The following ATP8B1 variants were observed in gnomAD, a reference collection of about 807,000 sequenced individuals.
ATP8B1 encodes ATPase phospholipid transporting 8B1, also known as phospholipid-transporting ATPase IC.
In ATP8B1, 80 loss-of-function variants were observed where a neutral mutation model predicts 149.9. That is an observed-to-expected ratio of 0.53 (90% CI 0.45 to 0.64). The LOEUF is 0.64. Ranked by LOEUF, ATP8B1 falls within the 30% of genes least tolerant of loss-of-function variation. ATP8B1 has a pLI of 0.00. For missense variants in ATP8B1, 1,247 were observed against 1,552.6 expected, an observed-to-expected ratio of 0.80 and a Z score of 3.31; for synonymous variants, 536 against 562.8, an observed-to-expected ratio of 0.95 and a Z score of 0.67.
intron 16 of ATP8B1, among the ~76,000 whole-genome samples, chr18:57,673,133 C>T (rs1362865538): frequency 6.6e-6 from 1 of 150,842 alleles, no homozygotes; most frequent in Non-Finnish European, 1.5e-5. Context: ...AATGTGTAAC[C>T]TAGCTCTAAT....
rs1911224787 is a variant in ATP8B1 at position 57,671,648 on chromosome 18, G to A, written c.1820-68C>T. On this transcript the variant is annotated intron_variant, in intron 16 of 27. Coordinates refer to ENST00000648908, the MANE Select transcript of ATP8B1 (RefSeq NM_001374385.1). ...TTTATATATATATTTTTTGAGACAG[G>A]GTCTTGCTCTGTTGTCCAGGCTGGA... The A allele has an allele frequency of 5.3e-6, 6 of 1,136,670 alleles. No homozygotes were observed. In the South Asian group the frequency reaches 6.3e-5, roughly 12 times the overall value. 70.4% of individuals were successfully genotyped at this position (1,136,670 alleles called of 1,614,324 possible). A position where few individuals can be genotyped will look rare whatever the true frequency, so the allele number is the denominator to read the frequency against.
At chr18:57,672,886 GTA>G (rs1198919117) in intron 16 of ATP8B1, among the ~76,000 whole-genome samples, 175 of 14,052 alleles carry the variant, frequency 0.012, 1 homozygote, top group African/African-American at 0.034. Flanking sequence ...AAAAAAAAAA[GTA>G]TATATATATA....
At chr18:57,668,780 T>C in intron 18 of ATP8B1, 1 of 472,758 alleles carries the variant, frequency 2.1e-6, no homozygotes, top group Admixed American at 3.9e-5. Flanking sequence ...AAGACAAAAA[T>C]GCAAGTACAA....
At position 57,714,621 on chromosome 18, in the gene ATP8B1, AAG is replaced by A. The variant is rs142991333; in HGVS notation, c.182-8036_182-8035del. On this transcript the variant is annotated intron_variant, in intron 2 of 27. Coordinates refer to ENST00000648908, the MANE Select transcript of ATP8B1 (RefSeq NM_001374385.1). The stretch of plus-strand genomic sequence containing the variant: ...AAGGGGGAGAGAGAAAGAGCAAAAA[AAG>A]AGAGAGAGAGAGATTGATTCTGTTT... Among the ~76,000 whole-genome samples the A allele has an allele frequency of 9.1e-5, 12 of 132,566 alleles. No individual in the cohort carries two copies. In the South Asian group the frequency reaches 9.5e-4, roughly 10 times the overall value. 87.0% of individuals were successfully genotyped at this position (132,566 alleles called of 152,430 possible).
Position 57,646,613 on chromosome 18 carries a change from A to G in ATP8B1, c.*1875T>C, listed in dbSNP as rs1379942696. ...CATTTGCATTGTCAATCTTTCCCAC[A>G]ATTTGCAAAAACAGGAGAGAAATCT... is the stretch of plus-strand genomic sequence containing the variant. On this transcript the variant is annotated 3_prime_UTR_variant, in exon 28 of 28. Coordinates refer to ENST00000648908, the MANE Select transcript of ATP8B1 (RefSeq NM_001374385.1). 1 of 152,636 alleles carries G rather than the reference A, an allele frequency of 6.6e-6. No homozygotes were observed. The highest frequency in any genetic ancestry group is 1.5e-5 in the Non-Finnish European group (1 of 68,036). 9.5% of individuals were successfully genotyped at this position (152,636 alleles called of 1,614,324 possible).
chr18:57,794,246 A>T (rs1487985955), intron 1 of ATP8B1, among the ~76,000 whole-genome samples: 1 of 152,194 alleles, frequency 6.6e-6, no homozygotes, highest in Non-Finnish European at 1.5e-5. Context: ...GTATAAACTC[A>T]TATGAGAGTC....
At chr18:57,717,803 T>C (rs1256980623) in intron 2 of ATP8B1, among the ~76,000 whole-genome samples, 1 of 151,136 alleles carries the variant, frequency 6.6e-6, no homozygotes, top group Admixed American at 6.6e-5. Context: ...TGGTGCGATC[T>C]TGGCTCACTG....
Position 57,732,233 on chromosome 18 carries a change from GTGTATATATATGTATATA to G in ATP8B1, c.-25-419_-25-402del, listed in dbSNP as rs1568044202. On this transcript the variant is annotated intron_variant, in intron 1 of 27. Transcript: ENST00000648908. ...TATATATGTGTATATATGTATATAT[GTGTATATATATGTATATA>G]TGTATATATGTGTATATATGTATAT... Among the ~76,000 whole-genome samples, 47 of 11,358 alleles carry G rather than the reference GTGTATATATATGTATATA, an allele frequency of 4.1e-3. 1 individual carries two copies. Among genetic ancestry groups the G allele is most frequent in the Middle Eastern group, 0.17 (1 of 6 alleles). The allele number at this position is 11,358 out of a possible 152,430, so 7.5% of individuals were successfully genotyped here. A position where few individuals can be genotyped will look rare whatever the true frequency, so the allele number is the denominator to read the frequency against.
rs372271653 is a variant in ATP8B1, at chr18:57,784,654, ATGCAGGAGAGTATTATGAAACG to A, written c.-26+18322_-26+18343del. The stretch of plus-strand genomic sequence containing the variant: ...TGCTCGAGGTGCTGTGTTTAGGGGC[ATGCAGGAGAGTATTATGAAACG>A]TGCAGGAGAGTATTATGAAACGTGC... On this transcript the variant is annotated intron_variant, in intron 1 of 27. Coordinates refer to ENST00000648908, the MANE Select transcript of ATP8B1 (RefSeq NM_001374385.1). This position sits in a 1 kb window ranked among gnomAD's most constrained non-coding sequence, Gnocchi z 4.4. 0.018 allele frequency among the ~76,000 whole-genome samples: 2,690 copies of A among 152,182 alleles called. 84 individuals carry two copies. The highest frequency in any genetic ancestry group is 0.062 in the African/African-American group (2,584 of 41,462).
At chr18:57,714,060 A>G (rs1457786137) in intron 2 of ATP8B1, among the ~76,000 whole-genome samples, 3 of 152,124 alleles carry the variant, frequency 2.0e-5, no homozygotes, top group Admixed American at 6.6e-5. Context: ...AGGGGAGCTC[A>G]CTGCCCTGAA....
chr18:57,767,770 C>T (rs950796359), intron 1 of ATP8B1, among the ~76,000 whole-genome samples: 6 of 146,830 alleles, frequency 4.1e-5, no homozygotes, highest in African/African-American at 7.7e-5. Context: ...GCTTGGGCAA[C>T]GAGAGCAAAA....
At chr18:57,723,055 A>C (rs1307710432) in intron 2 of ATP8B1, among the ~76,000 whole-genome samples, 1 of 151,506 alleles carries the variant, frequency 6.6e-6, no homozygotes, top group East Asian at 1.9e-4. Flanking sequence ...ACAACCCTTC[A>C]TGCTAAAAAC....
At chr18:57,737,503 C>T (rs910914349) in intron 1 of ATP8B1, among the ~76,000 whole-genome samples, 1 of 151,868 alleles carries the variant, frequency 6.6e-6, no homozygotes, top group Non-Finnish European at 1.5e-5. Flanking sequence ...ACCCTGCTCC[C>T]CAGCCTCCCT....
Position 57,784,689 on chromosome 18 carries a change from T to C in ATP8B1, c.-26+18309A>G, listed in dbSNP as rs1325298014. Among the ~76,000 whole-genome samples the C allele has an allele frequency of 6.7e-6, 1 of 150,040 alleles. No homozygotes were observed. The highest frequency in any genetic ancestry group is 1.5e-5 in the Non-Finnish European group (1 of 68,018). The stretch of plus-strand genomic sequence containing the variant: ...GTATTATGAAACGTGCAGGAGAGTA[T>C]TATGAAACGTGCCTATGACTAAGTC... On this transcript the variant is annotated intron_variant, in intron 1 of 27. Transcript: ENST00000648908. The surrounding 1 kb of genome is among the most constrained non-coding windows in gnomAD (Gnocchi z 4.4).
intron 1 of ATP8B1, among the ~76,000 whole-genome samples, chr18:57,796,672 A>G (rs1024944607): frequency 1.3e-5 from 2 of 151,830 alleles, no homozygotes; most frequent in Non-Finnish European, 2.9e-5. Flanking sequence ...AGGGTTACCT[A>G]TGCTGTTGTT....
rs146191639 is a variant in ATP8B1, at chr18:57,652,545, G to A, written c.3200C>T (p.Ser1067Phe). The change falls in exon 25 of 28, where the codon TCC becomes TTC. Residue 1067 changes from serine (S) to phenylalanine (F), a missense_variant. Coordinates refer to ENST00000648908, the MANE Select transcript of ATP8B1 (RefSeq NM_001374385.1). ...QTVGQDGEAP[S>F]DYQSFAVTIA... ...GGTGACGGCAAAAGACTGGTAGTCG[G>A]AAGGTGCCTCTCCATCCTGCCCTAC... The A allele has an allele frequency of 3.7e-6, 6 of 1,614,056 alleles. No individual in the cohort carries two copies. In the African/African-American group the frequency reaches 8.0e-5, roughly 22 times the overall value.
chr18:57,767,234 C>T (rs2080218734), intron 1 of ATP8B1, among the ~76,000 whole-genome samples: 1 of 152,284 alleles, frequency 6.6e-6, no homozygotes, highest in South Asian at 2.1e-4. Flanking sequence ...CCAGTAGAGT[C>T]GCAGACTAAG....
chr18:57,652,211 G>C, intron 25 of ATP8B1, 39 bp from the exon 26 acceptor site: 1 of 1,612,302 alleles, frequency 6.2e-7, no homozygotes, highest in Non-Finnish European at 8.5e-7. Context: ...ACTCATTTTG[G>C]GGAGTTAGCA....
intron 20 of ATP8B1, among the ~76,000 whole-genome samples, chr18:57,665,458 A>G (rs1490754219): frequency 6.6e-6 from 1 of 152,204 alleles, no homozygotes. Context: ...CCCCATCTAC[A>G]AAAAATAAAC....
Sources: allele counts gnomAD v4.1 joint callset (sites outside exome capture counted in the v4.1 genomes callset), GRCh38; gene constraint gnomAD v4.1.1; non-coding constraint Gnocchi (gnomAD v3.1); transcripts MANE v1.5; gene names NCBI Gene and HGNC (gene_info 2026-07-23, HGNC 2026-07-21).